The following ZNF536 variants were observed in gnomAD, a reference collection of about 807,000 sequenced individuals.
ZNF536 encodes zinc finger protein 536.
In ZNF536, 13 loss-of-function variants were observed where a neutral mutation model predicts 84.5. The ratio of observed to expected loss-of-function variants is 0.15; its 90% CI spans 0.10 to 0.24. ZNF536 has a LOEUF of 0.24. ZNF536 is among the 10% of genes least tolerant of loss of function. The pLI is 1.00. For synonymous variants in ZNF536, 811 were observed against 742.5 expected (o/e 1.09, Z -1.50); for missense variants, 1,536 against 1,747.5 (o/e 0.88, Z 2.16).
chr19:30,693,077 G>T (rs906557180), intron 1 of ZNF536, among the ~76,000 whole-genome samples: 1 of 152,040 alleles, frequency 6.6e-6, no homozygotes, highest in Non-Finnish European at 1.5e-5. Context: ...CAGCGTGGAG[G>T]TGCTACTAGT....
intron 2 of ZNF536, among the ~76,000 whole-genome samples, chr19:30,312,484 T>C (rs1443961865): frequency 6.6e-6 from 1 of 152,244 alleles, no homozygotes; most frequent in Admixed American, 6.5e-5. Context: ...CTGGGATTCC[T>C]TGCGATCTTT....
At chr19:30,514,489 G>C (rs2055551975) in intron 2 of ZNF536, among the ~76,000 whole-genome samples, 1 of 152,056 alleles carries the variant, frequency 6.6e-6, no homozygotes, top group African/African-American at 2.4e-5. Flanking sequence ...TGGTGTGACT[G>C]TGTTGGAGCA....
chr19:30,584,474 C>T (rs919364056), intron 1 of ZNF536, among the ~76,000 whole-genome samples: 6 of 152,326 alleles, frequency 3.9e-5, no homozygotes, highest in Middle Eastern at 3.4e-3. Context: ...TGCTACAGCA[C>T]TCCTGATTAA....
intron 1 of ZNF536, among the ~76,000 whole-genome samples, chr19:30,391,787 T>C (rs1430935403): frequency 1.3e-5 from 2 of 152,132 alleles, no homozygotes; most frequent in Admixed American, 6.5e-5. Flanking sequence ...TCCACTAAAC[T>C]TTCCCTTGTT....
chr19:30,580,912 C>G (rs1459654338), intron 1 of ZNF536, among the ~76,000 whole-genome samples: 1 of 152,192 alleles, frequency 6.6e-6, no homozygotes, highest in Non-Finnish European at 1.5e-5. Context: ...ACAGCTGTGA[C>G]TGCAGGTGGC....
At chr19:30,677,106 C>A (rs971492918) in intron 1 of ZNF536, among the ~76,000 whole-genome samples, 18 of 152,216 alleles carry the variant, frequency 1.2e-4, no homozygotes, top group Admixed American at 2.0e-4. Context: ...GGCTTCTTAA[C>A]AATTATGAGC....
At chr19:30,661,506 C>G (rs1052798055) in intron 1 of ZNF536, among the ~76,000 whole-genome samples, 6 of 151,904 alleles carry the variant, frequency 3.9e-5, no homozygotes, top group African/African-American at 7.3e-5. Context: ...TTTGGGGGGG[C>G]CAAATAAAAA....
chr19:30,592,212 G>A (rs1251216896), intron 1 of ZNF536, among the ~76,000 whole-genome samples: 1 of 152,072 alleles, frequency 6.6e-6, no homozygotes, highest in East Asian at 1.9e-4. Flanking sequence ...CATCCATTTT[G>A]GGATAAATTA....
chr19:30,387,367 C>A (rs1348739361), intron 1 of ZNF536, among the ~76,000 whole-genome samples: 1 of 152,236 alleles, frequency 6.6e-6, no homozygotes, highest in Non-Finnish European at 1.5e-5. Context: ...CCCCTGGTTG[C>A]TGTGGGCTGG....
chr19:30,570,218 C>T (rs2046495912), intron 1 of ZNF536, among the ~76,000 whole-genome samples: 1 of 152,158 alleles, frequency 6.6e-6, no homozygotes, highest in South Asian at 2.1e-4. Context: ...CAGCTCACAC[C>T]ACGGCATTTG....
chr19:30,343,423 C>G (rs2047628590), intron 2 of ZNF536, among the ~76,000 whole-genome samples: 1 of 152,146 alleles, frequency 6.6e-6, no homozygotes, highest in Admixed American at 6.5e-5. Context: ...GTGCTACTTA[C>G]TGATGTTAGC....
chr19:30,690,299 G>T (rs1459568417), intron 1 of ZNF536, among the ~76,000 whole-genome samples: 1 of 152,278 alleles, frequency 6.6e-6, no homozygotes, highest in Non-Finnish European at 1.5e-5. Context: ...ACTAAGTCCT[G>T]TTGTAGAGAA....
intron 1 of ZNF536, among the ~76,000 whole-genome samples, chr19:30,642,909 A>C (rs2049317963): frequency 6.6e-6 from 1 of 152,128 alleles, no homozygotes. Context: ...GACACAACTG[A>C]GGTGTCTGTC....
At chr19:30,592,107 A>T (rs1044960414) in intron 1 of ZNF536, among the ~76,000 whole-genome samples, 1 of 152,202 alleles carries the variant, frequency 6.6e-6, no homozygotes, top group African/African-American at 2.4e-5. Flanking sequence ...ATTATTCATG[A>T]CCCTTGCACT....
chr19:30,542,999 A>T (rs1307972159), intron 3 of ZNF536, among the ~76,000 whole-genome samples: 1 of 152,116 alleles, frequency 6.6e-6, no homozygotes, highest in African/African-American at 2.4e-5. Context: ...TTTTGTAGAA[A>T]CGAGGTCTCC....
In ZNF536 at chr19:30,409,004, G is replaced by GTCCA. The variant is rs370424061; in HGVS notation, c.-2-34528_-2-34525dup. 7.8e-3 allele frequency among the ~76,000 whole-genome samples: 1,049 copies of GTCCA among 134,194 alleles called. 11 individuals are homozygous for GTCCA. Among genetic ancestry groups the GTCCA allele is most frequent in the African/African-American group, 0.021 (755 of 35,370 alleles). 88.0% of individuals were successfully genotyped at this position (134,194 alleles called of 152,430 possible). On this transcript the variant is annotated intron_variant, in intron 1 of 4. Coordinates refer to ENST00000355537, the MANE Select transcript of ZNF536 (RefSeq NM_014717.3). ...TTCATTCATTCATTATCATCCATTG[G>GTCCA]TCCATCCATCCATCCATCCATCCAT...
chr19:30,530,105 C>T (rs375574371), intron 2 of ZNF536, among the ~76,000 whole-genome samples: 29 of 152,316 alleles, frequency 1.9e-4, no homozygotes, highest in African/African-American at 5.3e-4. Flanking sequence ...TCTGTCATTT[C>T]ACAGATGAGC....
chr19:30,311,774 A>G (rs1046296315), intron 2 of ZNF536, among the ~76,000 whole-genome samples: 3 of 152,192 alleles, frequency 2.0e-5, no homozygotes, highest in Non-Finnish European at 4.4e-5. Flanking sequence ...CAAGTGGACT[A>G]TTAAAATTTT....
intron 1 of ZNF536, among the ~76,000 whole-genome samples, chr19:30,709,927 T>C (rs1248076059): frequency 2.0e-5 from 3 of 152,204 alleles, no homozygotes; most frequent in Non-Finnish European, 4.4e-5. Flanking sequence ...ATTGTTTGTT[T>C]TTATACAGCC....
Sources: gnomAD v4.1 joint callset for allele counts (sites outside exome capture counted in the v4.1 genomes callset) on GRCh38, gnomAD v4.1.1 for gene constraint, MANE v1.5 for transcripts, NCBI Gene and HGNC (gene_info 2026-07-23, HGNC 2026-07-21) for gene names.